Variants in ADAMTSL3 observed in about 807,000 individuals in gnomAD.
ADAMTSL3 encodes the protein ADAMTS like 3.
A neutral mutation model predicts 201.7 loss-of-function variants in ADAMTSL3; 128 were observed. The observed-to-expected ratio is 0.63, with a 90% CI of 0.55 to 0.73. The LOEUF (loss-of-function observed/expected upper bound fraction) is 0.73, where lower values mean the gene tolerates loss of function less well. ADAMTSL3 is among the 30% of genes least tolerant of loss of function. ADAMTSL3 has a pLI of 0.00. For missense variants in ADAMTSL3, 1,990 were observed against 2,119.6 expected (o/e 0.94, Z 1.20); for synonymous variants, 738 against 748.4 (o/e 0.99, Z 0.23).
At chr15:83,933,385 A>T (rs1196542298) in intron 17 of ADAMTSL3, among the ~76,000 whole-genome samples, 1 of 152,234 alleles carries the variant, frequency 6.6e-6, no homozygotes, top group Non-Finnish European at 1.5e-5. Flanking sequence ...CTTGCAGAAG[A>T]AATTTCTAAG....
At chr15:83,683,996 C>T (rs747524534) in intron 2 of ADAMTSL3, among the ~76,000 whole-genome samples, 9 of 152,108 alleles carry the variant, frequency 5.9e-5, no homozygotes, top group Admixed American at 2.0e-4. Context: ...TATTTTAGGC[C>T]ATACATATGT....
At chr15:83,727,035 G>A (rs1413436043) in intron 3 of ADAMTSL3, among the ~76,000 whole-genome samples, 1 of 151,810 alleles carries the variant, frequency 6.6e-6, no homozygotes, top group Non-Finnish European at 1.5e-5. Flanking sequence ...GCTTTTCCTT[G>A]TTAGGAGCCT....
chr15:83,812,955 TCAGA>T (rs768085462), intron 5 of ADAMTSL3, among the ~76,000 whole-genome samples: 1 of 152,186 alleles, frequency 6.6e-6, no homozygotes, highest in Non-Finnish European at 1.5e-5. Flanking sequence ...GAATTTAACC[TCAGA>T]CAGTCAGGTT....
At chr15:83,827,078 A>G (rs1203259642) in intron 6 of ADAMTSL3, among the ~76,000 whole-genome samples, 1 of 152,194 alleles carries the variant, frequency 6.6e-6, no homozygotes, top group African/African-American at 2.4e-5. Context: ...TCCCTGAGGA[A>G]TTGCCACACT....
chr15:83,951,585 A>G (rs910213389), intron 19 of ADAMTSL3, among the ~76,000 whole-genome samples: 2 of 152,096 alleles, frequency 1.3e-5, no homozygotes, highest in African/African-American at 4.8e-5. Context: ...TTCGAGTAAG[A>G]TTGGTCTTAG....
chr15:83,669,637 T>G (rs1244311353), intron 2 of ADAMTSL3, among the ~76,000 whole-genome samples: 1 of 149,698 alleles, frequency 6.7e-6, no homozygotes, highest in Non-Finnish European at 1.5e-5. Context: ...CCGGCTAATT[T>G]TTTTGTATTT....
intron 6 of ADAMTSL3, among the ~76,000 whole-genome samples, chr15:83,823,893 CTCT>C (rs759090787): frequency 0.018 from 1,702 of 92,786 alleles, 15 homozygotes; most frequent in Middle Eastern, 0.039. Flanking sequence ...CTTCTTCTTC[CTCT>C]TCTTCTTCTT....
chr15:83,835,054 G>T (rs1181639461), intron 6 of ADAMTSL3, among the ~76,000 whole-genome samples: 6 of 151,992 alleles, frequency 3.9e-5, no homozygotes, highest in African/African-American at 9.7e-5. Flanking sequence ...CTAACACAGT[G>T]AAACCCTGTC....
intron 2 of ADAMTSL3, among the ~76,000 whole-genome samples, chr15:83,683,772 C>G (rs925275175): frequency 6.6e-6 from 1 of 152,180 alleles, no homozygotes; most frequent in African/African-American, 2.4e-5. Context: ...CAGTAGCGCT[C>G]CATTCCATGG....
At chr15:83,712,213 T>G (rs1232346499) in intron 3 of ADAMTSL3, among the ~76,000 whole-genome samples, 1 of 152,210 alleles carries the variant, frequency 6.6e-6, no homozygotes, top group Non-Finnish European at 1.5e-5. Context: ...TCAGTGGCCT[T>G]TTATGACTTG....
chr15:83,917,181 A>G (rs933905721), intron 16 of ADAMTSL3, among the ~76,000 whole-genome samples: 2 of 152,252 alleles, frequency 1.3e-5, no homozygotes, highest in Non-Finnish European at 2.9e-5. Flanking sequence ...AGTAATATAC[A>G]AATTACAAGT....
chr15:83,848,717 A>T (rs1441484681), intron 7 of ADAMTSL3, among the ~76,000 whole-genome samples: 3 of 152,238 alleles, frequency 2.0e-5, no homozygotes, highest in Non-Finnish European at 4.4e-5. Context: ...TTAACCTTAT[A>T]AAATTTTAAT....
intron 17 of ADAMTSL3, among the ~76,000 whole-genome samples, chr15:83,926,154 G>A (rs2066242212): frequency 6.6e-6 from 1 of 152,210 alleles, no homozygotes; most frequent in African/African-American, 2.4e-5. Context: ...AGTTATTTAA[G>A]ACATAAACAC....
chr15:83,908,028 A>T (rs1218254828), intron 15 of ADAMTSL3, among the ~76,000 whole-genome samples: 1 of 152,214 alleles, frequency 6.6e-6, no homozygotes, highest in Non-Finnish European at 1.5e-5. Context: ...TCACTAATAC[A>T]TGCTGCCTTC....
chr15:83,870,171 G>A (rs1422801313), intron 8 of ADAMTSL3, among the ~76,000 whole-genome samples: 1 of 152,144 alleles, frequency 6.6e-6, no homozygotes, highest in African/African-American at 2.4e-5. Context: ...GGTCTTTGTG[G>A]CAATGGAGTG....
intron 6 of ADAMTSL3, among the ~76,000 whole-genome samples, chr15:83,824,080 G>A (rs1042550888): frequency 1.4e-5 from 2 of 144,222 alleles, no homozygotes; most frequent in African/African-American, 5.2e-5. Context: ...GGTCTCATCT[G>A]TCACCCAGGT....
chr15:83,913,027 C>G (rs1233299355), intron 15 of ADAMTSL3, 65 bp from the exon 16 acceptor site: 1 of 1,534,798 alleles, frequency 6.5e-7, no homozygotes, highest in East Asian at 2.3e-5. Flanking sequence ...TGTCACTCCT[C>G]CTTTTCTGGC....
chr15:83,957,014 A>T (rs2011013), intron 19 of ADAMTSL3, among the ~76,000 whole-genome samples: 42,537 of 152,062 alleles, frequency 0.28, 6,249 homozygotes, highest in East Asian at 0.33. Context: ...ACAACCATGT[A>T]AAAAATGCCC....
Position 83,794,716 on chromosome 15 carries a change from G to C in ADAMTSL3, c.318-9934G>C, listed in dbSNP as rs150927903. ...AACTTGCAGGATTCTTGTGATGATA[G>C]AAATGTTCTGTACATTACCTGTATT... On this transcript the variant is annotated intron_variant, in intron 4 of 29. Transcript: ENST00000286744. 8.2e-4 allele frequency among the ~76,000 whole-genome samples: 125 copies of C among 152,256 alleles called. 1 individual carries two copies. Among genetic ancestry groups the C allele is most frequent in the Non-Finnish European group, 1.5e-3 (103 of 68,004 alleles).
Sources: gnomAD v4.1 joint callset for allele counts (sites outside exome capture counted in the v4.1 genomes callset) on GRCh38, gnomAD v4.1.1 for gene constraint, MANE v1.5 for transcripts, NCBI Gene and HGNC (gene_info 2026-07-23, HGNC 2026-07-21) for gene names.